Variants in ERC2 observed in about 807,000 individuals in gnomAD.
ERC2 encodes the protein ELKS/RAB6-interacting/CAST family member 2, also known as ERC protein 2.
ERC2 carries 42 observed loss-of-function variants against 114.8 expected under a neutral mutation model. The observed-to-expected ratio is 0.37, with a 90% CI of 0.29 to 0.47. The LOEUF (loss-of-function observed/expected upper bound fraction) is 0.47, where lower values mean the gene tolerates loss of function less well. Among genes scored for constraint, ERC2 ranks in the 20% least tolerant of loss-of-function variants. The pLI is 0.99. For synonymous variants in ERC2, 454 were observed against 425.5 expected, an observed-to-expected ratio of 1.07 and a Z score of -0.82; for missense variants, 939 against 1,150.7, an observed-to-expected ratio of 0.82 and a Z score of 2.66.
chr3:55,892,235 T>G (rs2063644562), intron 13 of ERC2, among the ~76,000 whole-genome samples: 1 of 152,346 alleles, frequency 6.6e-6, no homozygotes, highest in South Asian at 2.1e-4. Context: ...CCAGGGACAG[T>G]GGCTCACACC....
At position 56,268,563 on chromosome 3, in the gene ERC2, T is replaced by C. The variant is rs186672307; in HGVS notation, c.1074+27456A>G. ...TTCAGCAAGTAAAAACTTGAGAAAT[T>C]CTCAGTATTCCAGAATAATACAGAA... On this transcript the variant is annotated intron_variant, in intron 3 of 17. Coordinates refer to ENST00000288221, the MANE Select transcript of ERC2 (RefSeq NM_015576.3). 3.0e-4 allele frequency among the ~76,000 whole-genome samples: 45 copies of C among 152,324 alleles called. No individual in the cohort carries two copies. In the East Asian group the frequency reaches 7.9e-3, roughly 27 times the overall value.
chr3:56,282,114 T>C (rs2054388886), intron 3 of ERC2, among the ~76,000 whole-genome samples: 1 of 152,176 alleles, frequency 6.6e-6, no homozygotes, highest in Non-Finnish European at 1.5e-5. Flanking sequence ...AGCAGGTGAA[T>C]GCAAAGATTT....
intron 6 of ERC2, among the ~76,000 whole-genome samples, chr3:56,087,727 A>C (rs951547091): frequency 1.3e-5 from 2 of 152,174 alleles, no homozygotes; most frequent in African/African-American, 4.8e-5. Context: ...AAAGAAAATG[A>C]AACTGGAACA....
At chr3:56,018,450 GT>G (rs1244027083) in intron 8 of ERC2, among the ~76,000 whole-genome samples, 12 of 152,112 alleles carry the variant, frequency 7.9e-5, no homozygotes, top group Admixed American at 7.9e-4. Flanking sequence ...GTATGGTACA[GT>G]TGAAAATCTA....
chr3:55,710,767 G>A (rs2063738845), intron 15 of ERC2, among the ~76,000 whole-genome samples: 2 of 152,274 alleles, frequency 1.3e-5, no homozygotes, highest in South Asian at 2.1e-4. Flanking sequence ...GAATTTTAGG[G>A]CTATTTCAAA....
At chr3:55,808,704 TA>T (rs2059587029) in intron 14 of ERC2, among the ~76,000 whole-genome samples, 1 of 20,928 alleles carries the variant, frequency 4.8e-5, no homozygotes, top group Admixed American at 3.6e-4. Context: ...CATAATTTTA[TA>T]TATATATATA....
chr3:55,522,783 G>A (rs1047776083), intron 17 of ERC2, among the ~76,000 whole-genome samples: 5 of 152,176 alleles, frequency 3.3e-5, no homozygotes, highest in Admixed American at 1.3e-4. Context: ...ATGTCTCCAC[G>A]TGTAACTGGG....
intron 4 of ERC2, among the ~76,000 whole-genome samples, chr3:56,153,238 C>T (rs1383563724): frequency 6.6e-6 from 1 of 152,122 alleles, no homozygotes; most frequent in African/African-American, 2.4e-5. Flanking sequence ...AGGTAGATCT[C>T]AAGAAGATCC....
chr3:55,760,050 G>A (rs959621598), intron 14 of ERC2, among the ~76,000 whole-genome samples: 1 of 152,292 alleles, frequency 6.6e-6, no homozygotes, highest in Non-Finnish European at 1.5e-5. Flanking sequence ...ACAGTAGCCA[G>A]TGTCAAGGTT....
intron 2 of ERC2, among the ~76,000 whole-genome samples, chr3:56,335,320 A>G (rs955983904): frequency 1.3e-5 from 2 of 152,178 alleles, no homozygotes; most frequent in African/African-American, 4.8e-5. Context: ...ACCTTTCCTC[A>G]AGTTAGTACA....
At chr3:55,890,024 A>T (rs1200310233) in intron 13 of ERC2, among the ~76,000 whole-genome samples, 1 of 152,358 alleles carries the variant, frequency 6.6e-6, no homozygotes, top group South Asian at 2.1e-4. Flanking sequence ...AAAAGAGTTT[A>T]AAAAGCAAGG....
intron 7 of ERC2, among the ~76,000 whole-genome samples, chr3:56,045,603 A>G (rs1317255196): frequency 1.3e-5 from 2 of 152,200 alleles, no homozygotes; most frequent in South Asian, 2.1e-4. Flanking sequence ...CACAAATGCT[A>G]TACGGTAACT....
At chr3:56,388,071 A>G (rs1016992774) in intron 2 of ERC2, among the ~76,000 whole-genome samples, 4 of 152,010 alleles carry the variant, frequency 2.6e-5, no homozygotes, top group African/African-American at 9.7e-5. Context: ...ACAAATCCTA[A>G]CTCATCATTT....
At chr3:56,288,960 G>A (rs771026770) in intron 3 of ERC2, among the ~76,000 whole-genome samples, 15 of 152,190 alleles carry the variant, frequency 9.9e-5, no homozygotes, top group Admixed American at 7.2e-4. Flanking sequence ...TCACGGCCTT[G>A]GGGCGTGGTG....
At chr3:56,298,903 TA>T (rs2055641255) in intron 2 of ERC2, among the ~76,000 whole-genome samples, 1 of 152,118 alleles carries the variant, frequency 6.6e-6, no homozygotes. Flanking sequence ...GGTGGGACCA[TA>T]AAGTAATCTA....
At chr3:56,290,421 T>G (rs1406278194) in intron 3 of ERC2, among the ~76,000 whole-genome samples, 1 of 152,230 alleles carries the variant, frequency 6.6e-6, no homozygotes, top group Non-Finnish European at 1.5e-5. Context: ...AATTGTTAAG[T>G]TCTGTAATAT....
At chr3:56,383,150 C>T (rs2059813898) in intron 2 of ERC2, among the ~76,000 whole-genome samples, 1 of 152,152 alleles carries the variant, frequency 6.6e-6, no homozygotes, top group East Asian at 1.9e-4. Flanking sequence ...CACCAACCTC[C>T]TTCACCTGTA....
intron 3 of ERC2, among the ~76,000 whole-genome samples, chr3:56,178,521 G>A (rs2083106055): frequency 6.6e-6 from 1 of 152,144 alleles, no homozygotes; most frequent in East Asian, 1.9e-4. Context: ...GCTTCCTAAA[G>A]GAAGGAGTGC....
At chr3:56,110,052 C>T (rs2078877426) in intron 6 of ERC2, among the ~76,000 whole-genome samples, 1 of 152,008 alleles carries the variant, frequency 6.6e-6, no homozygotes, top group Non-Finnish European at 1.5e-5. Flanking sequence ...AAGAATCCAC[C>T]ATATAGGCAA....
Sources: allele counts gnomAD v4.1 joint callset (sites outside exome capture counted in the v4.1 genomes callset), GRCh38; gene constraint gnomAD v4.1.1; transcripts MANE v1.5; gene names NCBI Gene and HGNC (gene_info 2026-07-23, HGNC 2026-07-21).